SUGCT: variants seen among roughly 807,000 people sequenced by gnomAD.
SUGCT encodes succinyl-CoA:glutarate-CoA transferase.
A neutral mutation model predicts 55.0 loss-of-function variants in SUGCT; 41 were observed. The observed-to-expected ratio is 0.74, with a 90% CI of 0.58 to 0.97. The LOEUF (loss-of-function observed/expected upper bound fraction) is 0.97, where lower values mean the gene tolerates loss of function less well. Among genes scored for constraint, SUGCT ranks in the 50% least tolerant of loss-of-function variants. The probability of loss-of-function intolerance (pLI) is 0.00; values close to 1 mark genes in which losing one functional copy is unlikely to be tolerated. For missense variants in SUGCT, 568 were observed against 547.8 expected, an observed-to-expected ratio of 1.04 and a Z score of -0.37; for synonymous variants, 187 against 200.4, an observed-to-expected ratio of 0.93 and a Z score of 0.56.
At chr7:40,509,107 G>C (rs924195544) in intron 12 of SUGCT, among the ~76,000 whole-genome samples, 8 of 152,042 alleles carry the variant, frequency 5.3e-5, no homozygotes, top group Admixed American at 6.6e-5. Context: ...GACTAACAAA[G>C]TCCGTTGATT....
intron 1 of SUGCT, among the ~76,000 whole-genome samples, chr7:40,161,456 T>A (rs1273454532): frequency 6.6e-6 from 1 of 152,204 alleles, no homozygotes; most frequent in Non-Finnish European, 1.5e-5. Context: ...TGCATATTTT[T>A]TTTGCTGTGA....
chr7:40,540,615 A>C (rs1794621462), intron 12 of SUGCT, among the ~76,000 whole-genome samples: 1 of 152,240 alleles, frequency 6.6e-6, no homozygotes, highest in East Asian at 1.9e-4. Context: ...AATGTTGGCA[A>C]ACAGGGCAGT....
intron 12 of SUGCT, among the ~76,000 whole-genome samples, chr7:40,534,576 GC>G (rs1212471138): frequency 1.6e-4 from 24 of 152,084 alleles, no homozygotes; most frequent in Non-Finnish European, 2.5e-4. Context: ...GTGCCGCCGT[GC>G]CCAGCTGATT....
At chr7:40,407,883 A>G (rs1044578761) in intron 9 of SUGCT, among the ~76,000 whole-genome samples, 3 of 152,144 alleles carry the variant, frequency 2.0e-5, no homozygotes, top group Non-Finnish European at 4.4e-5. Flanking sequence ...ATAGTTTTCT[A>G]TTACCATAAA....
chr7:40,382,142 G>A (rs889173811), intron 9 of SUGCT, among the ~76,000 whole-genome samples: 4 of 152,062 alleles, frequency 2.6e-5, no homozygotes, highest in African/African-American at 7.2e-5. Context: ...TTGCTCTTTA[G>A]TACATTCATT....
chr7:40,398,176 C>G (rs1785846615), intron 9 of SUGCT, among the ~76,000 whole-genome samples: 1 of 152,196 alleles, frequency 6.6e-6, no homozygotes, highest in Admixed American at 6.5e-5. Flanking sequence ...GCTGCAACCT[C>G]CGCCTCCCGG....
chr7:40,896,917 AAG>A, the SUGCT span, among the ~76,000 whole-genome samples: 5 of 152,352 alleles, frequency 3.3e-5, no homozygotes, highest in Admixed American at 3.3e-4. Context: ...CTCGAACAAA[AAG>A]AACAAAGCTG....
At chr7:40,150,155 A>C (rs900656368) in intron 1 of SUGCT, among the ~76,000 whole-genome samples, 3 of 152,180 alleles carry the variant, frequency 2.0e-5, no homozygotes, top group African/African-American at 7.2e-5. Context: ...CCCTCCCAGA[A>C]CTACTCCTAA....
At chr7:40,576,830 C>T (rs1211756730) in intron 12 of SUGCT, among the ~76,000 whole-genome samples, 2 of 152,186 alleles carry the variant, frequency 1.3e-5, no homozygotes, top group Admixed American at 1.3e-4. Flanking sequence ...ATGCTTTCAC[C>T]TTCCCTCTAA....
intron 13 of SUGCT, among the ~76,000 whole-genome samples, chr7:40,781,893 G>A (rs1789768794): frequency 6.6e-6 from 1 of 151,874 alleles, no homozygotes; most frequent in Non-Finnish European, 1.5e-5. Context: ...AGATTGTTTT[G>A]TAATATTCAA....
intron 11 of SUGCT, among the ~76,000 whole-genome samples, chr7:40,460,254 C>A (rs1402168992): frequency 6.6e-6 from 1 of 152,152 alleles, no homozygotes; most frequent in African/African-American, 2.4e-5. Context: ...CTGCCTGTAT[C>A]TTTTCCATGT....
At chr7:40,175,985 A>T (rs887445) in intron 1 of SUGCT, among the ~76,000 whole-genome samples, 77,610 of 151,942 alleles carry the variant, frequency 0.51, 20,240 homozygotes, top group Middle Eastern at 0.65. Flanking sequence ...TAATGCCAGC[A>T]CTGTGGGAGG....
chr7:40,778,997 G>A (rs1242207990), intron 13 of SUGCT, among the ~76,000 whole-genome samples: 1 of 152,144 alleles, frequency 6.6e-6, no homozygotes, highest in Non-Finnish European at 1.5e-5. Flanking sequence ...TGTAGAGGAT[G>A]CAGGTAGTGT....
the SUGCT span, among the ~76,000 whole-genome samples, chr7:41,034,628 A>G: frequency 6.6e-6 from 1 of 152,184 alleles, no homozygotes; most frequent in Non-Finnish European, 1.5e-5. Flanking sequence ...ACCATTTAAC[A>G]TGAGCTCTTA....
intron 12 of SUGCT, among the ~76,000 whole-genome samples, chr7:40,631,803 G>C (rs1243999972): frequency 6.6e-6 from 1 of 152,186 alleles, no homozygotes; most frequent in East Asian, 1.9e-4. Flanking sequence ...TAGCTAGAAG[G>C]CTAGAAGACC....
chr7:40,181,060 A>AT, intron 2 of SUGCT, 62 bp downstream of exon 2: 1 of 1,204,078 alleles, frequency 8.3e-7, no homozygotes, highest in South Asian at 1.3e-5. Flanking sequence ...AAAACTTTTA[A>AT]TTTTTTGAAT....
chr7:40,397,327 C>A (rs540002141), intron 9 of SUGCT, among the ~76,000 whole-genome samples: 1 of 152,310 alleles, frequency 6.6e-6, no homozygotes, highest in South Asian at 2.1e-4. Context: ...CAAGCCTCTT[C>A]ATTCACATAT....
At chr7:40,956,478 C>G in the SUGCT span, among the ~76,000 whole-genome samples, 2 of 152,020 alleles carry the variant, frequency 1.3e-5, no homozygotes, top group African/African-American at 4.8e-5. Context: ...GTCATATTCC[C>G]TTTATCATTT....
chr7:40,989,585 G>A, the SUGCT span, among the ~76,000 whole-genome samples: 1 of 151,012 alleles, frequency 6.6e-6, no homozygotes, highest in Non-Finnish European at 1.5e-5. Context: ...TGGCCAATAT[G>A]GTGAAACCCC....
Sources: gnomAD v4.1 joint callset for allele counts (sites outside exome capture counted in the v4.1 genomes callset) on GRCh38, gnomAD v4.1.1 for gene constraint, MANE v1.5 for transcripts, NCBI Gene and HGNC (gene_info 2026-07-23, HGNC 2026-07-21) for gene names.